Variants in ZNF423 observed in about 807,000 individuals in gnomAD.
ZNF423 encodes the protein zinc finger protein 423.
ZNF423 carries 12 observed loss-of-function variants against 95.8 expected under a neutral mutation model. The observed-to-expected ratio is 0.13, with a 90% CI of 0.08 to 0.20. The LOEUF (loss-of-function observed/expected upper bound fraction) is 0.20. Ranked by LOEUF, ZNF423 falls within the 10% of genes least tolerant of loss-of-function variation. The pLI, the probability that ZNF423 is intolerant of heterozygous loss-of-function variation, is 1.00. For missense variants in ZNF423, 1,316 were observed against 1,737.1 expected, an observed-to-expected ratio of 0.76 and a Z score of 4.31; for synonymous variants, 749 against 711.9, an observed-to-expected ratio of 1.05 and a Z score of -0.83.
At chr16:49,842,972 C>T (rs1297542057) in intron 1 of ZNF423, among the ~76,000 whole-genome samples, 3 of 137,846 alleles carry the variant, frequency 2.2e-5, no homozygotes, top group South Asian at 2.3e-4. Flanking sequence ...AGCAAGACTC[C>T]GTCTCAAAAA....
intron 2 of ZNF423, among the ~76,000 whole-genome samples, chr16:49,778,057 G>T (rs372578536): frequency 4.6e-5 from 7 of 152,256 alleles, no homozygotes; most frequent in African/African-American, 1.4e-4. Flanking sequence ...TAACTATCAC[G>T]TATGGCCAGC....
At chr16:49,744,279 G>C (rs1011431460) in intron 2 of ZNF423, among the ~76,000 whole-genome samples, 10 of 152,246 alleles carry the variant, frequency 6.6e-5, no homozygotes, top group Non-Finnish European at 1.3e-4. Flanking sequence ...TGACACGTCT[G>C]CCACAGAGGT....
chr16:49,838,814 G>T (rs1485598750), intron 1 of ZNF423, among the ~76,000 whole-genome samples: 1 of 151,624 alleles, frequency 6.6e-6, no homozygotes, highest in African/African-American at 2.4e-5. Context: ...CGGCCGCTTT[G>T]TGCCCGAACC....
At chr16:49,666,283 G>T (rs1322067894) in intron 3 of ZNF423, among the ~76,000 whole-genome samples, 1 of 152,176 alleles carries the variant, frequency 6.6e-6, no homozygotes. Flanking sequence ...ATACGTTACT[G>T]GGGCCCTGCT....
intron 5 of ZNF423, among the ~76,000 whole-genome samples, chr16:49,612,618 A>T (rs911655998): frequency 1.3e-5 from 2 of 152,166 alleles, no homozygotes; most frequent in African/African-American, 4.8e-5. Flanking sequence ...GATCAGAAAT[A>T]AGGCAAACAT....
chr16:49,814,776 G>A (rs1411010342), intron 1 of ZNF423, among the ~76,000 whole-genome samples: 1 of 150,884 alleles, frequency 6.6e-6, no homozygotes, highest in East Asian at 2.0e-4. Flanking sequence ...AAACCCAGGA[G>A]CATGACCCAA....
At chr16:49,506,399 G>C (rs564774865) in intron 7 of ZNF423, among the ~76,000 whole-genome samples, 1 of 152,192 alleles carries the variant, frequency 6.6e-6, no homozygotes, top group Admixed American at 6.5e-5. Context: ...GAATTGGTGA[G>C]TGGGTGGATG....
chr16:49,592,551 T>A (rs1971042419), intron 5 of ZNF423, among the ~76,000 whole-genome samples: 1 of 152,066 alleles, frequency 6.6e-6, no homozygotes, highest in Non-Finnish European at 1.5e-5. Flanking sequence ...CTTGCAGGAG[T>A]GAATTCTTTT....
intron 7 of ZNF423, among the ~76,000 whole-genome samples, chr16:49,510,779 T>C (rs1967857441): frequency 6.6e-6 from 1 of 152,180 alleles, no homozygotes. Flanking sequence ...ACTCGCAGTG[T>C]TGTCACTGTT....
chr16:49,673,502 A>C (rs2030912485), intron 3 of ZNF423, among the ~76,000 whole-genome samples: 1 of 152,208 alleles, frequency 6.6e-6, no homozygotes, highest in Admixed American at 6.5e-5. Flanking sequence ...GCATTGAGGA[A>C]AACCTCCAGC....
intron 5 of ZNF423, among the ~76,000 whole-genome samples, chr16:49,560,050 G>A (rs1477748140): frequency 4.6e-5 from 7 of 152,218 alleles, no homozygotes; most frequent in African/African-American, 7.2e-5. Flanking sequence ...GTACCGAGTA[G>A]AACATATGCT....
At position 49,492,357 on chromosome 16, in the gene ZNF423, A is replaced by C; in HGVS notation, c.3850-1053T>G. On this transcript the variant is annotated intron_variant, in intron 7 of 7. Coordinates refer to ENST00000563137, the MANE Select transcript of ZNF423 (RefSeq NM_001379286.1). The surrounding 1 kb of genome is among the most constrained non-coding windows in gnomAD (Gnocchi z 4.2). Reference sequence around the variant, plus strand: ...TCTGGGCGCCCCCCAGGGCCCGGCGACTCCTGCAGCTGTGCCGCTGACCGC... The same window carrying C: ...TCTGGGCGCCCCCCAGGGCCCGGCGCCTCCTGCAGCTGTGCCGCTGACCGC... Among the ~76,000 whole-genome samples the C allele has an allele frequency of 6.6e-6, 1 of 150,390 alleles. No homozygotes were observed. The highest frequency in any genetic ancestry group is 1.5e-5 in the Non-Finnish European group (1 of 67,502).
chr16:49,783,741 G>A (rs1311421677), intron 2 of ZNF423, among the ~76,000 whole-genome samples: 8 of 152,020 alleles, frequency 5.3e-5, no homozygotes, highest in South Asian at 4.1e-4. Flanking sequence ...GAAGGCTGAC[G>A]CTTGCAGATC....
chr16:49,662,246 A>G (rs2030275213), intron 3 of ZNF423, among the ~76,000 whole-genome samples: 1 of 152,132 alleles, frequency 6.6e-6, no homozygotes, highest in Non-Finnish European at 1.5e-5. Flanking sequence ...AATCCCTTCT[A>G]CAAAGAGGTT....
At chr16:49,604,489 A>G (rs1224724671) in intron 5 of ZNF423, among the ~76,000 whole-genome samples, 5 of 151,768 alleles carry the variant, frequency 3.3e-5, no homozygotes, top group Admixed American at 3.3e-4. Context: ...CAGTTTGAGA[A>G]CCAGTGATCT....
At chr16:49,706,066 G>A (rs561638338) in intron 3 of ZNF423, among the ~76,000 whole-genome samples, 16 of 152,078 alleles carry the variant, frequency 1.1e-4, no homozygotes, top group Non-Finnish European at 2.1e-4. Context: ...AGAACAGCGT[G>A]GGCAAGGGCA....
chr16:49,511,607 G>A (rs1411483979), intron 7 of ZNF423, among the ~76,000 whole-genome samples: 1 of 152,240 alleles, frequency 6.6e-6, no homozygotes, highest in Non-Finnish European at 1.5e-5. Context: ...ACTTTGGGGT[G>A]AGGGGCTCAG....
At chr16:49,606,594 G>C (rs1170072606) in intron 5 of ZNF423, among the ~76,000 whole-genome samples, 1 of 152,154 alleles carries the variant, frequency 6.6e-6, no homozygotes, top group Non-Finnish European at 1.5e-5. Flanking sequence ...GAGAACCTGT[G>C]GATAGGGGTC....
intron 5 of ZNF423, among the ~76,000 whole-genome samples, chr16:49,530,094 C>T (rs913110589): frequency 6.6e-6 from 1 of 152,214 alleles, no homozygotes; most frequent in Non-Finnish European, 1.5e-5. Context: ...ACCACTCACT[C>T]GCTGTGTGGA....
Sources: allele counts gnomAD v4.1 joint callset (sites outside exome capture counted in the v4.1 genomes callset), GRCh38; gene constraint gnomAD v4.1.1; non-coding constraint Gnocchi (gnomAD v3.1); transcripts MANE v1.5; gene names NCBI Gene and HGNC (gene_info 2026-07-23, HGNC 2026-07-21).